PEX5L: variants seen among roughly 807,000 people sequenced by gnomAD.
PEX5L encodes the protein PEX5-related protein.
A neutral mutation model predicts 84.0 loss-of-function variants in PEX5L; 30 were observed. The ratio of observed to expected loss-of-function variants is 0.36; its 90% CI spans 0.27 to 0.48. The LOEUF (loss-of-function observed/expected upper bound fraction) is 0.48. Among genes scored for constraint, PEX5L ranks in the 20% least tolerant of loss-of-function variants. The probability of loss-of-function intolerance (pLI) is 0.99; values close to 1 mark genes in which losing one functional copy is unlikely to be tolerated. For missense variants in PEX5L, 533 were observed against 754.6 expected (o/e 0.71, Z 3.44); for synonymous variants, 270 against 283.1 (o/e 0.95, Z 0.46).
At chr3:179,992,594 A>G (rs1028512855) in intron 1 of PEX5L, among the ~76,000 whole-genome samples, 2 of 152,240 alleles carry the variant, frequency 1.3e-5, no homozygotes, top group Admixed American at 6.5e-5. Context: ...ACAGAGATGC[A>G]GTGGAAACGT....
chr3:179,834,564 G>T (rs570030111), intron 8 of PEX5L, among the ~76,000 whole-genome samples: 1 of 152,334 alleles, frequency 6.6e-6, no homozygotes, highest in East Asian at 1.9e-4. Flanking sequence ...GTGAGCAGAG[G>T]GGGAAGGAGT....
chr3:180,020,079 T>C (rs747975321), intron 1 of PEX5L, among the ~76,000 whole-genome samples: 1 of 152,106 alleles, frequency 6.6e-6, no homozygotes, highest in Non-Finnish European at 1.5e-5. Context: ...TCATCGAAAA[T>C]TTCCCCCATG....
intron 3 of PEX5L, among the ~76,000 whole-genome samples, chr3:179,889,886 A>G (rs987436584): frequency 6.6e-6 from 1 of 152,226 alleles, no homozygotes; most frequent in African/African-American, 2.4e-5. Flanking sequence ...ACTTTCTGGC[A>G]TAAAAGTCAA....
At position 179,879,935 on chromosome 3, in the gene PEX5L, C is replaced by A; in HGVS notation, c.499G>T (p.Asp167Tyr). Residue 167 changes from aspartate (D) to tyrosine (Y), a missense_variant, in exon 5 of 15, where the codon GAT becomes TAT. By Grantham distance (160) the Asp-to-Tyr change is radical. Coordinates refer to ENST00000467460, the MANE Select transcript of PEX5L (RefSeq NM_016559.3). ...CCGCAAGCGATTGCCTTACCTAGAT[C>A]TAAGGATGAAGTCTCCGGGACTCTG... ...PLRVPETSSLDLDIQTQLEKW... is the reference protein window; with the variant it reads ...PLRVPETSSLYLDIQTQLEKW... 6.3e-7 allele frequency: 1 copy of A among 1,583,360 alleles called. No individual in the cohort carries two copies. Among genetic ancestry groups the A allele is most frequent in the South Asian group, 1.2e-5 (1 of 85,364 alleles).
chr3:179,983,202 T>C (rs1255750485), intron 1 of PEX5L, among the ~76,000 whole-genome samples: 4 of 151,916 alleles, frequency 2.6e-5, no homozygotes, highest in Admixed American at 6.6e-5. Context: ...TTTAATGACA[T>C]GAACATGACT....
intron 1 of PEX5L, among the ~76,000 whole-genome samples, chr3:180,019,232 G>A (rs962300759): frequency 2.0e-5 from 3 of 152,112 alleles, no homozygotes; most frequent in South Asian, 2.1e-4. Context: ...TTGAACTCCA[G>A]GTCTCTGGGA....
chr3:179,831,507 C>T (rs4855115), intron 8 of PEX5L, among the ~76,000 whole-genome samples: 73,874 of 151,970 alleles, frequency 0.49, 19,058 homozygotes, highest in East Asian at 0.75. Flanking sequence ...AAGCCTACTA[C>T]GTGGGAGGCA....
chr3:180,024,275 C>T (rs1022743133), intron 1 of PEX5L, among the ~76,000 whole-genome samples: 4 of 148,178 alleles, frequency 2.7e-5, no homozygotes, highest in African/African-American at 1.0e-4. Context: ...TTTGGGAGGC[C>T]GAGGTGGGTG....
intron 4 of PEX5L, among the ~76,000 whole-genome samples, chr3:179,883,392 C>G (rs1328881903): frequency 6.6e-6 from 1 of 152,168 alleles, no homozygotes; most frequent in Non-Finnish European, 1.5e-5. Flanking sequence ...AGCACTTTGT[C>G]CTGTCTTCTT....
At chr3:179,807,583 G>T in intron 14 of PEX5L, 91 bp downstream of exon 14, 1 of 1,239,302 alleles carries the variant, frequency 8.1e-7, no homozygotes, top group Non-Finnish European at 1.1e-6. Flanking sequence ...CTCCTACCAA[G>T]GCAGGCATTT....
At chr3:179,866,235 T>C (rs371277102) in intron 7 of PEX5L, among the ~76,000 whole-genome samples, 8 of 152,196 alleles carry the variant, frequency 5.3e-5, no homozygotes, top group African/African-American at 1.4e-4. Flanking sequence ...CCGTTGTTAA[T>C]AGCTTCTCAT....
intron 2 of PEX5L, among the ~76,000 whole-genome samples, chr3:179,920,673 T>C (rs1321039237): frequency 2.2e-4 from 34 of 152,196 alleles, no homozygotes; most frequent in Admixed American, 2.2e-3. Context: ...TACATATCTA[T>C]TCTCAAGACA....
chr3:179,950,927 G>A (rs569262405), intron 2 of PEX5L, among the ~76,000 whole-genome samples: 129 of 152,346 alleles, frequency 8.5e-4, no homozygotes, highest in Non-Finnish European at 1.7e-3. Flanking sequence ...GGAGGCATAT[G>A]TGTGGTGCCC....
chr3:180,006,295 T>G (rs1178606972), intron 1 of PEX5L, among the ~76,000 whole-genome samples: 1 of 152,190 alleles, frequency 6.6e-6, no homozygotes, highest in Non-Finnish European at 1.5e-5. Context: ...TATTATTATT[T>G]TTTTTGCTAT....
chr3:179,807,644 C>T (rs1259250361), intron 14 of PEX5L, 30 bp downstream of exon 14: 3 of 1,606,054 alleles, frequency 1.9e-6, no homozygotes, highest in Non-Finnish European at 2.6e-6. Context: ...TGGGCATGGC[C>T]TTCATCCTTG....
rs1021791225 is a variant in PEX5L, at chr3:179,796,211, ATT to A, written c.*5615_*5616del. 3.3e-5 allele frequency: 5 copies of A among 150,950 alleles called. No homozygotes were observed. Among genetic ancestry groups the A allele is most frequent in the African/African-American group, 9.7e-5 (4 of 41,232 alleles). The allele number at this position is 150,950 out of a possible 1,614,324, so 9.4% of individuals were successfully genotyped here. On this transcript the variant is annotated 3_prime_UTR_variant, in exon 15 of 15. Transcript: ENST00000467460. ...CCCCCTCCCCCAATGAATGATACACATTTTATAGTTGAGCAAAGAACTGCCTA... is the reference window on the plus strand; with the variant it reads ...CCCCCTCCCCCAATGAATGATACACATTATAGTTGAGCAAAGAACTGCCTA...
chr3:179,927,912 T>C (rs888132228), intron 2 of PEX5L, among the ~76,000 whole-genome samples: 3 of 152,200 alleles, frequency 2.0e-5, no homozygotes, highest in Non-Finnish European at 4.4e-5. Flanking sequence ...ACCTAATATA[T>C]CAAAAATTAT....
At chr3:180,018,609 T>A (rs770425183) in intron 1 of PEX5L, among the ~76,000 whole-genome samples, 1 of 152,194 alleles carries the variant, frequency 6.6e-6, no homozygotes, top group Non-Finnish European at 1.5e-5. Flanking sequence ...ATTTTATTCG[T>A]TTTTAGAGAG....
intron 2 of PEX5L, among the ~76,000 whole-genome samples, chr3:179,913,843 T>C (rs1167263539): frequency 6.6e-6 from 1 of 152,164 alleles, no homozygotes; most frequent in Non-Finnish European, 1.5e-5. Context: ...ACCATAGAAT[T>C]TTATTAATTT....
Sources: allele counts gnomAD v4.1 joint callset (sites outside exome capture counted in the v4.1 genomes callset), GRCh38; gene constraint gnomAD v4.1.1; transcripts MANE v1.5; gene names NCBI Gene and HGNC (gene_info 2026-07-23, HGNC 2026-07-21).